The following ZNF280D variants were observed in gnomAD, a reference collection of about 807,000 sequenced individuals.
The protein encoded by ZNF280D is zinc finger protein 280D.
In ZNF280D, 39 loss-of-function variants were observed where a neutral mutation model predicts 94.7. The ratio of observed to expected loss-of-function variants is 0.41; its 90% CI spans 0.32 to 0.54. The LOEUF is 0.54. Ranked by LOEUF, ZNF280D falls within the 20% of genes least tolerant of loss-of-function variation. ZNF280D has a pLI of 0.22. For synonymous variants in ZNF280D, 398 were observed against 377.6 expected, an observed-to-expected ratio of 1.05 and a Z score of -0.63; for missense variants, 1,090 against 1,149.3, an observed-to-expected ratio of 0.95 and a Z score of 0.75.
chr15:56,733,270 C>G (rs959889877), intron 1 of ZNF280D, among the ~76,000 whole-genome samples, 188 bp downstream of exon 1: 1 of 152,058 alleles, frequency 6.6e-6, no homozygotes, highest in Non-Finnish European at 1.5e-5. Flanking sequence ...CCGCCTGGGC[C>G]GACGCAAGAT....
intron 7 of ZNF280D, among the ~76,000 whole-genome samples, chr15:56,690,082 T>G (rs1416827745): frequency 6.6e-6 from 1 of 152,138 alleles, no homozygotes; most frequent in Admixed American, 6.5e-5. Context: ...CTTCATTCAT[T>G]TATATGAAAG....
chr15:56,682,287 A>C lies in ZNF280D; in HGVS notation c.971T>G (p.Phe324Cys). Residue 324 changes from phenylalanine to cysteine, a missense_variant, in exon 10 of 22, where the codon TTC (phenylalanine) becomes TGC (cysteine). By Grantham distance (205) the Phe-to-Cys change is radical. Transcript: ENST00000267807. ...EQKTHTTFKC[F>C]SCLKILKNNI... ...ATTTTTTAGAATTTTCAAGCAACTGAAGCATTTAAAGGTTGTGTGAGTCTT... is the reference window on the plus strand; with the variant it reads ...ATTTTTTAGAATTTTCAAGCAACTGCAGCATTTAAAGGTTGTGTGAGTCTT... 1 of 1,572,200 alleles carries C rather than the reference A, an allele frequency of 6.4e-7. No individual in the cohort carries two copies. The highest frequency in any genetic ancestry group is 8.6e-7 in the Non-Finnish European group (1 of 1,167,826).
At chr15:56,659,997 T>C (rs1236314230) in intron 16 of ZNF280D, among the ~76,000 whole-genome samples, 2 of 152,124 alleles carry the variant, frequency 1.3e-5, no homozygotes, top group Non-Finnish European at 2.9e-5. Flanking sequence ...TCACTAGCTA[T>C]AATCCCCAGA....
In ZNF280D at chr15:56,700,925, A is replaced by G. The variant is rs1294448777; in HGVS notation, c.381+8T>C. 1 of 1,613,736 alleles carries G rather than the reference A, an allele frequency of 6.2e-7. No individual in the cohort carries two copies. The highest frequency in any genetic ancestry group is 8.5e-7 in the Non-Finnish European group (1 of 1,179,856). ...CTGAGCTGGCCGTATAGTTTTAGAA[A>G]CACTTACAGGTTTAGAAAAAGGCTG... On this transcript the variant is annotated splice_region_variant and intron_variant, in intron 6 of 21. Transcript: ENST00000267807.
At chr15:56,672,493 T>C (rs2054937033) in intron 13 of ZNF280D, among the ~76,000 whole-genome samples, 2 of 152,150 alleles carry the variant, frequency 1.3e-5, no homozygotes, top group Non-Finnish European at 2.9e-5. Flanking sequence ...TTGATTTGCA[T>C]ATGTCGAACC....
chr15:56,713,211 G>T (rs2057865117), intron 1 of ZNF280D, among the ~76,000 whole-genome samples: 1 of 152,084 alleles, frequency 6.6e-6, no homozygotes, highest in Non-Finnish European at 1.5e-5. Flanking sequence ...ACCAAAACAA[G>T]ATATGATCAA....
At chr15:56,656,186 C>T (rs1181843773) in intron 17 of ZNF280D, among the ~76,000 whole-genome samples, 2 of 152,220 alleles carry the variant, frequency 1.3e-5, no homozygotes, top group Admixed American at 6.5e-5. Context: ...AACACTGCTT[C>T]ATCACTGTCA....
At chr15:56,675,673 T>C (rs2055183171) in intron 13 of ZNF280D, among the ~76,000 whole-genome samples, 1 of 152,016 alleles carries the variant, frequency 6.6e-6, no homozygotes, top group Non-Finnish European at 1.5e-5. Context: ...TGATCCCAAA[T>C]TGATCTGGAA....
chr15:56,666,654 T>C (rs1269428846), intron 15 of ZNF280D, 25 bp downstream of exon 15: 5 of 1,548,996 alleles, frequency 3.2e-6, no homozygotes, highest in African/African-American at 1.4e-5. Context: ...TTAAATTATA[T>C]TGTATATCAG....
intron 6 of ZNF280D, chr15:56,698,267 G>A (rs762960977): frequency 2.6e-5 from 4 of 152,064 alleles, no homozygotes; most frequent in Non-Finnish European, 2.9e-5. Flanking sequence ...GAATTACACA[G>A]GTCTTCCAAA....
chr15:56,646,186 G>A (rs963673336), intron 19 of ZNF280D, among the ~76,000 whole-genome samples: 5 of 152,176 alleles, frequency 3.3e-5, no homozygotes, highest in Non-Finnish European at 5.9e-5. Flanking sequence ...TGCTTTGGGA[G>A]GCCAAAATGG....
In ZNF280D at chr15:56,655,787, T is replaced by G. The variant is rs533723793; in HGVS notation, c.2058-1284A>C. Reference sequence around the variant, plus strand: ...AAATACTAAAATGCTTCAGATAACTTAGCCACTATATATTTAATTTCTTAT... The same window carrying G: ...AAATACTAAAATGCTTCAGATAACTGAGCCACTATATATTTAATTTCTTAT... On this transcript the variant is annotated intron_variant, in intron 17 of 21. Coordinates refer to ENST00000267807, the MANE Select transcript of ZNF280D (RefSeq NM_017661.4). Among the ~76,000 whole-genome samples, 19 of 152,374 alleles carry G rather than the reference T, an allele frequency of 1.2e-4. No individual in the cohort carries two copies. The East Asian group carries it at 3.7e-3, about 29-fold the overall frequency.
At chr15:56,636,775 T>G (rs555146151) in intron 20 of ZNF280D, among the ~76,000 whole-genome samples, 1 of 151,862 alleles carries the variant, frequency 6.6e-6, no homozygotes, top group African/African-American at 2.4e-5. Flanking sequence ...TGTTCCACCA[T>G]GCCCAACTAA....
chr15:56,662,799 G>A (rs2054031579), intron 16 of ZNF280D, among the ~76,000 whole-genome samples: 1 of 149,746 alleles, frequency 6.7e-6, no homozygotes, highest in Non-Finnish European at 1.5e-5. Context: ...ACTCTAGCCT[G>A]GGTGACAGGT....
chr15:56,680,072 T>C (rs1422164504), intron 10 of ZNF280D, among the ~76,000 whole-genome samples: 2 of 152,032 alleles, frequency 1.3e-5, no homozygotes, highest in East Asian at 1.9e-4. Flanking sequence ...CTCAAACCAA[T>C]AGAAATGAGG....
At chr15:56,668,765 G>T in intron 14 of ZNF280D, 58 bp downstream of exon 14, 1 of 1,429,404 alleles carries the variant, frequency 7.0e-7, no homozygotes, top group Non-Finnish European at 9.4e-7. Flanking sequence ...ATAAAGCCGG[G>T]CAGGAGTTAA....
chr15:56,711,465 G>A (rs2057753678), intron 1 of ZNF280D, among the ~76,000 whole-genome samples: 1 of 152,052 alleles, frequency 6.6e-6, no homozygotes, highest in Non-Finnish European at 1.5e-5. Flanking sequence ...AGGAGTTCAA[G>A]AACAGCCTGG....
intron 16 of ZNF280D, among the ~76,000 whole-genome samples, chr15:56,662,711 C>G (rs377499766): frequency 6.6e-6 from 1 of 151,524 alleles, no homozygotes; most frequent in East Asian, 1.9e-4. Context: ...GTAATCACAG[C>G]TACTTGGGAG....
At chr15:56,649,443 T>C (rs1596348595) in intron 19 of ZNF280D, among the ~76,000 whole-genome samples, 1 of 152,254 alleles carries the variant, frequency 6.6e-6, no homozygotes. Flanking sequence ...GGAGCAAATA[T>C]ATTAAGTCTA....
Sources: gnomAD v4.1 joint callset for allele counts (sites outside exome capture counted in the v4.1 genomes callset) on GRCh38, gnomAD v4.1.1 for gene constraint, MANE v1.5 for transcripts, NCBI Gene and HGNC (gene_info 2026-07-23, HGNC 2026-07-21) for gene names.